PAFAH1B1: variants seen among roughly 807,000 people sequenced by gnomAD.
PAFAH1B1 encodes the protein platelet-activating factor acetylhydrolase IB subunit beta.
A neutral mutation model predicts 57.5 loss-of-function variants in PAFAH1B1; 2 were observed. The observed-to-expected ratio is 0.03, with a 90% CI of 0.01 to 0.11. PAFAH1B1 has a LOEUF of 0.11. Ranked by LOEUF, PAFAH1B1 falls within the 10% of genes least tolerant of loss-of-function variation. The probability of loss-of-function intolerance (pLI) is 1.00; values close to 1 mark genes in which losing one functional copy is unlikely to be tolerated. For missense variants in PAFAH1B1, 257 were observed against 512.0 expected (o/e 0.50, Z 4.81); for synonymous variants, 152 against 169.6 (o/e 0.90, Z 0.81).
At chr17:2,664,235 T>C (rs1196673578) in intron 2 of PAFAH1B1, among the ~76,000 whole-genome samples, 1 of 152,196 alleles carries the variant, frequency 6.6e-6, no homozygotes, top group East Asian at 1.9e-4. Context: ...ACAATACTAC[T>C]GGAGTGTGTT....
intron 5 of PAFAH1B1, among the ~76,000 whole-genome samples, chr17:2,668,934 C>T (rs879424747): frequency 1.3e-5 from 2 of 151,924 alleles, no homozygotes; most frequent in African/African-American, 4.8e-5. Flanking sequence ...CAAGATCGCG[C>T]CACTGCACTC....
At chr17:2,657,441 A>T (rs1237320847) in intron 2 of PAFAH1B1, among the ~76,000 whole-genome samples, 1 of 152,176 alleles carries the variant, frequency 6.6e-6, no homozygotes, top group Admixed American at 6.5e-5. Flanking sequence ...CTGAGGTTTC[A>T]CCATGTTGGC....
At chr17:2,660,537 G>T (rs1183907800) in intron 2 of PAFAH1B1, among the ~76,000 whole-genome samples, 1 of 152,166 alleles carries the variant, frequency 6.6e-6, no homozygotes, top group Admixed American at 6.6e-5. Context: ...GTCTGCTGAG[G>T]ATGGTGGCTT....
chr17:2,670,757 C>T (rs968382561), intron 6 of PAFAH1B1, among the ~76,000 whole-genome samples: 7 of 152,132 alleles, frequency 4.6e-5, no homozygotes, highest in Admixed American at 2.0e-4. Context: ...CATTATTTCC[C>T]GGGTCTTGTT....
intron 1 of PAFAH1B1, among the ~76,000 whole-genome samples, chr17:2,595,421 CTTTT>C (rs71377513): frequency 5.6e-5 from 7 of 124,026 alleles, no homozygotes; most frequent in East Asian, 2.3e-4. Flanking sequence ...GGAGTGTTTG[CTTTT>C]TTTTTTTTTT....
chr17:2,615,053 A>C (rs1479341455), intron 1 of PAFAH1B1, among the ~76,000 whole-genome samples: 4 of 152,234 alleles, frequency 2.6e-5, no homozygotes. Flanking sequence ...GATTGAAACT[A>C]TTCAGACAAA....
chr17:2,630,032 C>T (rs1328360117), intron 1 of PAFAH1B1, among the ~76,000 whole-genome samples: 1 of 152,140 alleles, frequency 6.6e-6, no homozygotes, highest in Admixed American at 6.6e-5. Context: ...TGAGTTCTTA[C>T]TCAGTCTGCA....
intron 8 of PAFAH1B1, among the ~76,000 whole-genome samples, chr17:2,675,968 G>T (rs1252593842): frequency 6.6e-6 from 1 of 152,170 alleles, no homozygotes; most frequent in Non-Finnish European, 1.5e-5. Context: ...ATTATCTGTT[G>T]GTTTTATGAA....
At chr17:2,640,975 C>T (rs1262149785) in intron 2 of PAFAH1B1, 2 of 152,112 alleles carry the variant, frequency 1.3e-5, no homozygotes, top group African/African-American at 4.8e-5. Context: ...ATCAGTATTT[C>T]CCTCCTGGAT....
At chr17:2,677,583 G>A (rs971060734) in intron 9 of PAFAH1B1, among the ~76,000 whole-genome samples, 3 of 152,164 alleles carry the variant, frequency 2.0e-5, no homozygotes, top group African/African-American at 7.2e-5. Context: ...GGCCGGGCAC[G>A]GTGGCTCACG....
intron 1 of PAFAH1B1, among the ~76,000 whole-genome samples, chr17:2,625,775 G>C (rs543032154): frequency 6.6e-6 from 1 of 152,030 alleles, no homozygotes; most frequent in South Asian, 2.1e-4. Flanking sequence ...GAGGTTGGGG[G>C]TAAAAAGAAA....
chr17:2,651,941 G>A (rs12941261), intron 2 of PAFAH1B1, among the ~76,000 whole-genome samples: 30,399 of 152,038 alleles, frequency 0.2, 3,260 homozygotes, highest in Middle Eastern at 0.26. Flanking sequence ...ATATCCATCA[G>A]TCATACAGAA....
At chr17:2,681,305 G>A (rs1239111539) in intron 10 of PAFAH1B1, 3 of 154,754 alleles carry the variant, frequency 1.9e-5, no homozygotes, top group African/African-American at 7.3e-5. Flanking sequence ...TTTTTATTGA[G>A]ATGTTAATAC....
chr17:2,622,281 A>G (rs1350109560), intron 1 of PAFAH1B1, among the ~76,000 whole-genome samples: 1 of 152,174 alleles, frequency 6.6e-6, no homozygotes, highest in East Asian at 1.9e-4. Flanking sequence ...CCAAAAGTCC[A>G]CAGTCCAAAG....
At position 2,605,302 on chromosome 17, in the gene PAFAH1B1, T is replaced by C. The variant is rs1488636170; in HGVS notation, c.-191+11296T>C. On this transcript the variant is annotated intron_variant, in intron 1 of 10. Transcript: ENST00000397195. Reference sequence around the variant, plus strand: ...CTGAGAAACGAGGTGTTATTAGCCATAGCAGAGAATAAGAGGAGGAGTTGT... The same window carrying C: ...CTGAGAAACGAGGTGTTATTAGCCACAGCAGAGAATAAGAGGAGGAGTTGT... 2.6e-5 allele frequency among the ~76,000 whole-genome samples: 4 copies of C among 152,158 alleles called. No homozygotes were observed. The East Asian group carries it at 5.8e-4, about 22-fold the overall frequency.
intron 1 of PAFAH1B1, among the ~76,000 whole-genome samples, chr17:2,634,163 T>C (rs2151631572): frequency 6.6e-6 from 1 of 151,972 alleles, no homozygotes; most frequent in Middle Eastern, 3.4e-3. Context: ...TGAGACGGAG[T>C]CTTGCTCTGT....
chr17:2,602,211 A>G (rs1318636947), intron 1 of PAFAH1B1, among the ~76,000 whole-genome samples: 1 of 151,994 alleles, frequency 6.6e-6, no homozygotes, highest in Non-Finnish European at 1.5e-5. Flanking sequence ...AGTGTTCTGT[A>G]TAATGGTATG....
chr17:2,628,669 A>G (rs2068521453), intron 1 of PAFAH1B1, among the ~76,000 whole-genome samples: 1 of 150,196 alleles, frequency 6.7e-6, no homozygotes, highest in African/African-American at 2.5e-5. Context: ...ATTGGTACCA[A>G]CTCTTCTTTG....
upstream of PAFAH1B1, chr17:2,593,617 CGCGGTGACGTCAG>C: frequency 4.5e-6 from 1 of 223,112 alleles, no homozygotes; most frequent in Non-Finnish European, 8.7e-6. Flanking sequence ...GCGGCGGCGG[CGCGGTGACGTCAG>C]GGCGTTGGGG....
Sources: gnomAD v4.1 joint callset for allele counts (sites outside exome capture counted in the v4.1 genomes callset) on GRCh38, gnomAD v4.1.1 for gene constraint, MANE v1.5 for transcripts, NCBI Gene and HGNC (gene_info 2026-07-23, HGNC 2026-07-21) for gene names.